Variants in LITAF observed in about 807,000 individuals in gnomAD.
The protein encoded by LITAF is lipopolysaccharide-induced tumor necrosis factor-alpha factor.
A neutral mutation model predicts 14.5 loss-of-function variants in LITAF; 9 were observed. The observed-to-expected ratio is 0.62, with a 90% CI of 0.37 to 1.08. The LOEUF (loss-of-function observed/expected upper bound fraction) is 1.08. Among genes scored for constraint, LITAF ranks in the 50% least tolerant of loss-of-function variants. The probability of loss-of-function intolerance (pLI) is 0.01; values close to 1 mark genes in which losing one functional copy is unlikely to be tolerated. For missense variants in LITAF, 206 were observed against 213.4 expected, an observed-to-expected ratio of 0.97 and a Z score of 0.22; for synonymous variants, 98 against 88.2, an observed-to-expected ratio of 1.11 and a Z score of -0.62.
chr16:11,553,769 C>A lies in LITAF; in HGVS notation c.221-80G>T, dbSNP rs775880741. The A allele has an allele frequency of 2.7e-6, 4 of 1,469,776 alleles. No individual in the cohort carries two copies. Among genetic ancestry groups the A allele is most frequent in the South Asian group, 1.2e-5 (1 of 86,568 alleles). 91.0% of individuals were successfully genotyped at this position (1,469,776 alleles called of 1,614,324 possible). Reference sequence around the variant, plus strand: ...ATTCACTACAGGACAAAGAGAGGAACGCAGGGATGCCAGCAAATATTATAT... The same window carrying A: ...ATTCACTACAGGACAAAGAGAGGAAAGCAGGGATGCCAGCAAATATTATAT... On this transcript the variant is annotated intron_variant, in intron 2 of 3. Transcript: ENST00000622633. This position sits in a 1 kb window ranked among gnomAD's most constrained non-coding sequence, Gnocchi z 7.7.
chr16:11,587,027 C>G (rs1022270764), upstream of LITAF: 3 of 154,904 alleles, frequency 1.9e-5, no homozygotes, highest in Admixed American at 2.0e-4. Context: ...CGGCTTCTCC[C>G]GCCCCCGCGG....
intron 1 of LITAF, among the ~76,000 whole-genome samples, chr16:11,565,965 CCCCAGGG>C (rs1490095373): frequency 6.6e-6 from 1 of 151,972 alleles, no homozygotes; most frequent in Non-Finnish European, 1.5e-5. Context: ...GCGCCCCATG[CCCCAGGG>C]CATGACTTTA....
chr16:11,597,063 G>A (rs1312812510), intron 1 of LITAF, among the ~76,000 whole-genome samples: 7 of 152,122 alleles, frequency 4.6e-5, no homozygotes, highest in Non-Finnish European at 7.4e-5. Context: ...TGGCTGATTC[G>A]TGAAGTTGTC....
At position 11,549,899 on chromosome 16, in the gene LITAF, G is replaced by A. The variant is rs1464313560; in HGVS notation, c.378-154C>T. On this transcript the variant is annotated intron_variant, in intron 3 of 3. Coordinates refer to ENST00000622633, the MANE Select transcript of LITAF (RefSeq NM_001136472.2). This position sits in a 1 kb window ranked among gnomAD's most constrained non-coding sequence, Gnocchi z 4.6. ...GGGATCATCTTGGATTATCCAGGCGGACCCCTAAAACCCAATGACCTTAGA... is the reference window on the plus strand; with the variant it reads ...GGGATCATCTTGGATTATCCAGGCGAACCCCTAAAACCCAATGACCTTAGA... The A allele has an allele frequency of 1.5e-6, 1 of 674,276 alleles. No individual in the cohort carries two copies. Among genetic ancestry groups the A allele is most frequent in the Non-Finnish European group, 2.7e-6 (1 of 370,566 alleles). 41.8% of individuals were successfully genotyped at this position (674,276 alleles called of 1,614,324 possible).
chr16:11,590,376 G>T (rs1254673002), upstream of LITAF, among the ~76,000 whole-genome samples: 2 of 117,360 alleles, frequency 1.7e-5, no homozygotes, highest in Admixed American at 1.7e-4. Flanking sequence ...CTTAATGATG[G>T]TTCAATTATG....
upstream of LITAF, chr16:11,587,131 C>T (rs2064817090): frequency 1.3e-5 from 4 of 309,400 alleles, no homozygotes; most frequent in South Asian, 1.0e-4. Flanking sequence ...GCTCGCCACC[C>T]CAGAGCTTCC....
At chr16:11,628,282 C>T (rs1458593350) in intron 3 of LITAF, among the ~76,000 whole-genome samples, 3 of 152,096 alleles carry the variant, frequency 2.0e-5, no homozygotes, top group African/African-American at 7.2e-5. Flanking sequence ...TGGGGCCGCC[C>T]CAGATTTTCC....
intron 1 of LITAF, among the ~76,000 whole-genome samples, chr16:11,571,512 G>C (rs1486686157): frequency 6.6e-6 from 1 of 152,158 alleles, no homozygotes; most frequent in Admixed American, 6.5e-5. Flanking sequence ...GGGTTGCCCA[G>C]ATTCCCCACT....
chr16:11,560,900 A>G (rs948201830), intron 1 of LITAF, among the ~76,000 whole-genome samples: 3 of 152,154 alleles, frequency 2.0e-5, no homozygotes, highest in Admixed American at 1.3e-4. Context: ...GTTTCCTCTG[A>G]CGTACAGGAA....
intron 1 of LITAF, among the ~76,000 whole-genome samples, chr16:11,566,482 G>C (rs1173224322): frequency 1.1e-4 from 17 of 152,222 alleles, no homozygotes; most frequent in Admixed American, 1.0e-3. Flanking sequence ...TTTGGGAGCA[G>C]GCCAGACGTG....
In LITAF at chr16:11,558,026, G is replaced by C. The variant is rs2064301057; in HGVS notation, c.-5-1291C>G. ...GTTTTTCTAACTGGGCAGGGTTCAG[G>C]CTGCCTTAGAAGAGCCATTCAAACC... On this transcript the variant is annotated intron_variant, in intron 1 of 3. Coordinates refer to ENST00000622633, the MANE Select transcript of LITAF (RefSeq NM_001136472.2). The surrounding 1 kb of genome is among the most constrained non-coding windows in gnomAD (Gnocchi z 4.1). Among the ~76,000 whole-genome samples, 1 of 152,130 alleles carries C rather than the reference G, an allele frequency of 6.6e-6. No homozygotes were observed.
At position 11,596,001 on chromosome 16, in the gene LITAF, C is replaced by T. The variant is rs114470133; in HGVS notation, c.-6+2387G>A. On this transcript the variant is annotated intron_variant, in intron 1 of 3. Coordinates refer to the LITAF transcript ENST00000571627. ...CTGCCTCTGGCCAGGACAGGATATC[C>T]CAGTGAGCAGGCGGCCTGGCTCCAA... Among the ~76,000 whole-genome samples the T allele has an allele frequency of 4.8e-3, 725 of 152,194 alleles. 9 individuals carry two copies. Among genetic ancestry groups the T allele is most frequent in the African/African-American group, 0.016 (684 of 41,532 alleles).
chr16:11,585,812 C>T (rs1338292365), intron 1 of LITAF, among the ~76,000 whole-genome samples: 1 of 152,180 alleles, frequency 6.6e-6, no homozygotes, highest in Non-Finnish European at 1.5e-5. Context: ...CTGGTAGGAG[C>T]TTGGAAGACC....
rs918242867 is a variant in LITAF, at chr16:11,632,069, G to A, written c.85+1464C>T. 6.6e-5 allele frequency among the ~76,000 whole-genome samples: 10 copies of A among 151,764 alleles called. No individual in the cohort carries two copies. The highest frequency in any genetic ancestry group is 1.9e-4 in the African/African-American group (8 of 41,404). The stretch of plus-strand genomic sequence containing the variant: ...TTTTTAGTAGAGACGGGGTTTCACC[G>A]TGTTAACCAGGATGGTCTTGATCTC... On this transcript the variant is annotated intron_variant, in intron 3 of 3. Transcript: ENST00000574848. The surrounding 1 kb of genome is among the most constrained non-coding windows in gnomAD (Gnocchi z 4.8).
At position 11,597,809 on chromosome 16, in the gene LITAF, A is replaced by G. The variant is rs369853186; in HGVS notation, c.-6+579T>C. ...GCCCTCTGCCTGTTTTCCCCGCTCC[A>G]GCCCCGTCATTTTATAGCTGAGGCC... On this transcript the variant is annotated intron_variant, in intron 1 of 3. Transcript: ENST00000571627. Among the ~76,000 whole-genome samples the G allele has an allele frequency of 1.2e-4, 18 of 152,306 alleles. No individual in the cohort carries two copies. The East Asian group carries it at 3.5e-3, about 29-fold the overall frequency.
At chr16:11,581,323 C>A (rs1380407213) in intron 1 of LITAF, among the ~76,000 whole-genome samples, 1 of 152,190 alleles carries the variant, frequency 6.6e-6, no homozygotes, top group African/African-American at 2.4e-5. Context: ...GCAGGTCTTA[C>A]CCCAAAGCAC....
upstream of LITAF, among the ~76,000 whole-genome samples, chr16:11,589,070 C>G (rs1401920819): frequency 2.0e-5 from 3 of 152,168 alleles, no homozygotes; most frequent in African/African-American, 7.2e-5. Flanking sequence ...CGGCTGTGAG[C>G]TTGCAATTAT....
At chr16:11,635,687 T>G (rs2065135385) in intron 2 of LITAF, 1 of 152,204 alleles carries the variant, frequency 6.6e-6, no homozygotes, top group East Asian at 1.9e-4. Context: ...CTGCAACAGC[T>G]CCCACCTGTC....
upstream of LITAF, among the ~76,000 whole-genome samples, chr16:11,602,283 G>A (rs968796108): frequency 1.3e-5 from 2 of 152,170 alleles, no homozygotes; most frequent in African/African-American, 4.8e-5. Context: ...TTGAGCCCGG[G>A]AGGCGGAGGT....
Sources: allele counts gnomAD v4.1 joint callset (sites outside exome capture counted in the v4.1 genomes callset), GRCh38; gene constraint gnomAD v4.1.1; non-coding constraint Gnocchi (gnomAD v3.1); transcripts MANE v1.5; gene names NCBI Gene and HGNC (gene_info 2026-07-23, HGNC 2026-07-21).